The following TEAD4 variants were observed in gnomAD, a reference collection of about 807,000 sequenced individuals.
TEAD4 encodes the protein transcriptional enhancer factor TEF-3.
TEAD4 carries 36 observed loss-of-function variants against 52.4 expected under a neutral mutation model. The observed-to-expected ratio is 0.69, with a 90% CI of 0.53 to 0.91. The LOEUF is 0.91. Ranked by LOEUF, TEAD4 falls within the 40% of genes least tolerant of loss-of-function variation. The probability of loss-of-function intolerance (pLI) is 0.00; values close to 1 mark genes in which losing one functional copy is unlikely to be tolerated. For missense variants in TEAD4, 508 were observed against 583.9 expected, an observed-to-expected ratio of 0.87 and a Z score of 1.34; for synonymous variants, 220 against 231.0, an observed-to-expected ratio of 0.95 and a Z score of 0.43.
At chr12:3,010,621 G>A (rs1214423747) in intron 3 of TEAD4, among the ~76,000 whole-genome samples, 1 of 152,238 alleles carries the variant, frequency 6.6e-6, no homozygotes, top group Non-Finnish European at 1.5e-5. Flanking sequence ...GGGCCGGGCA[G>A]CTCCCTGGAG....
At chr12:3,010,945 C>T in intron 3 of TEAD4, 59 bp from the exon 4 acceptor site, 1 of 1,602,860 alleles carries the variant, frequency 6.2e-7, no homozygotes, top group Non-Finnish European at 8.5e-7. Flanking sequence ...CCCGCACCCC[C>T]TCACTGCTTC....
At chr12:2,996,434 G>A (rs1302649589) in intron 3 of TEAD4, among the ~76,000 whole-genome samples, 1 of 147,948 alleles carries the variant, frequency 6.8e-6, no homozygotes, top group African/African-American at 2.5e-5. Flanking sequence ...TTGAGATGGA[G>A]TTTCACTCTT....
chr12:2,986,246 A>T (rs549360704), intron 2 of TEAD4, among the ~76,000 whole-genome samples: 1 of 152,274 alleles, frequency 6.6e-6, no homozygotes, highest in African/African-American at 2.4e-5. Flanking sequence ...ATCATCTCCC[A>T]GGGTAACAGT....
intron 2 of TEAD4, among the ~76,000 whole-genome samples, chr12:2,990,756 TCGCCTGGCCCAGAGAA>T (rs979796367): frequency 1.4e-4 from 21 of 152,256 alleles, no homozygotes; most frequent in Middle Eastern, 3.4e-3. Flanking sequence ...ATGAGCCACT[TCGCCTGGCCCAGAGAA>T]CGCCTGGCCC....
At chr12:3,028,005 C>G (rs142804919) in intron 10 of TEAD4, among the ~76,000 whole-genome samples, 118 of 152,334 alleles carry the variant, frequency 7.7e-4, no homozygotes, top group African/African-American at 2.8e-3. Context: ...CACTCCTACC[C>G]CCCAGCCCTG....
chr12:2,996,009 A>C (rs1346554002), intron 3 of TEAD4, among the ~76,000 whole-genome samples: 1 of 146,614 alleles, frequency 6.8e-6, no homozygotes, highest in African/African-American at 2.5e-5. Context: ...CCCTGTTTCA[A>C]AAAAAAAAAA....
At position 3,038,098 on chromosome 12, in the gene TEAD4, A is replaced by G; in HGVS notation, c.1028A>G (p.Glu343Gly). The change falls in exon 11 of 13, where the codon GAG becomes GGG. Residue 343 changes from glutamate (E) to glycine (G), a missense_variant. Glu to Gly is a moderately conservative substitution (Grantham distance 98). Transcript: ENST00000359864. ...TGCTCTTTCGGCAAGCAGGTGGTGG[A>G]GAAAGTTGAGGTAGGAGGCCACCCT... The G allele has an allele frequency of 1.2e-6, 2 of 1,612,302 alleles. No homozygotes were observed. Among genetic ancestry groups the G allele is most frequent in the Non-Finnish European group, 1.7e-6 (2 of 1,178,768 alleles).
chr12:3,018,559 T>C lies in TEAD4; in HGVS notation c.498T>C (p.Ala166=). 1 of 1,614,064 alleles carries C rather than the reference T, an allele frequency of 6.2e-7. No individual in the cohort carries two copies. Among genetic ancestry groups the C allele is most frequent in the Non-Finnish European group, 8.5e-7 (1 of 1,179,964 alleles). Residue 166 remains alanine, a synonymous_variant, in exon 7 of 13, where the codon GCT becomes GCC. Transcript: ENST00000359864. ...TGCCTCCTCAGTTTTGGCAAGGAGC[T>C]TTGCCAGGCCAAGCCGGAACGTCCC...
chr12:3,029,482 C>T (rs2098274154), intron 10 of TEAD4, among the ~76,000 whole-genome samples: 1 of 152,128 alleles, frequency 6.6e-6, no homozygotes, highest in Non-Finnish European at 1.5e-5. Context: ...TCGTGATCCA[C>T]CAGCCTCGGC....
intron 2 of TEAD4, among the ~76,000 whole-genome samples, chr12:2,968,117 G>A (rs922015950): frequency 1.3e-4 from 14 of 103,890 alleles, no homozygotes; most frequent in Admixed American, 4.2e-4. Context: ...ACGGAGTTTC[G>A]CTCTTGTTGC....
At chr12:3,027,099 C>G (rs1388447834) in intron 10 of TEAD4, among the ~76,000 whole-genome samples, 4 of 152,186 alleles carry the variant, frequency 2.6e-5, no homozygotes, top group African/African-American at 7.2e-5. Flanking sequence ...TCAAGCAATT[C>G]TCCTGCCTCA....
chr12:3,033,989 C>T (rs1226219851), intron 10 of TEAD4, among the ~76,000 whole-genome samples: 7 of 151,516 alleles, frequency 4.6e-5, no homozygotes, highest in East Asian at 1.9e-4. Context: ...TGGTGTGTTC[C>T]GGGTTTATGC....
At chr12:2,961,497 G>C (rs768333126) in intron 2 of TEAD4, among the ~76,000 whole-genome samples, 21 of 152,088 alleles carry the variant, frequency 1.4e-4, no homozygotes, top group African/African-American at 2.7e-4. Flanking sequence ...TCTTCGGCCT[G>C]GTGTGCGACT....
At chr12:3,032,844 C>T (rs894728795) in intron 10 of TEAD4, among the ~76,000 whole-genome samples, 11 of 152,156 alleles carry the variant, frequency 7.2e-5, no homozygotes, top group African/African-American at 2.4e-4. Context: ...ACATATGTGA[C>T]GGGGAAAGGT....
chr12:2,994,732 C>T lies in TEAD4; in HGVS notation c.-29-6C>T, dbSNP rs754074846. 2 of 1,567,666 alleles carry T rather than the reference C, an allele frequency of 1.3e-6. No homozygotes were observed. Among genetic ancestry groups the T allele is most frequent in the South Asian group, 2.4e-5 (2 of 83,526 alleles). On this transcript the variant is annotated splice_region_variant and splice_polypyrimidine_tract_variant and intron_variant, in intron 2 of 12. Coordinates refer to ENST00000359864, the MANE Select transcript of TEAD4 (RefSeq NM_003213.4). This position sits in a 1 kb window ranked among gnomAD's most constrained non-coding sequence, Gnocchi z 4.7. ...CTCACCGGGGCTGTGGTTCCTGTCC[C>T]CACAGGTCCAACGAGCGCTCCTCCA... is the stretch of plus-strand genomic sequence containing the variant.
intron 10 of TEAD4, among the ~76,000 whole-genome samples, chr12:3,033,134 CAG>C (rs2098276825): frequency 6.6e-6 from 1 of 152,212 alleles, no homozygotes; most frequent in Non-Finnish European, 1.5e-5. Context: ...GAGAGGCAAT[CAG>C]AACCCCCTTG....
chr12:3,040,262 G>C lies in TEAD4; in HGVS notation c.1191+3G>C. ...TGGAGAACTTCACCATCCTGCAGGT[G>C]TGCGGCGGGTGCTGCGGGTGTGGCT... On this transcript the variant is annotated splice_donor_region_variant and intron_variant, in intron 12 of 12. Coordinates refer to ENST00000359864, the MANE Select transcript of TEAD4 (RefSeq NM_003213.4). 6.2e-7 allele frequency: 1 copy of C among 1,614,194 alleles called. No homozygotes were observed. Among genetic ancestry groups the C allele is most frequent in the East Asian group, 2.2e-5 (1 of 44,882 alleles).
intron 7 of TEAD4, 89 bp downstream of exon 7, chr12:3,018,677 G>A: frequency 2.0e-6 from 3 of 1,536,726 alleles, no homozygotes; most frequent in African/African-American, 1.4e-5. Context: ...GGGCCCCAGG[G>A]TGTGCTGGGG....
At chr12:2,993,816 C>T (rs1185085253) in intron 2 of TEAD4, among the ~76,000 whole-genome samples, 1 of 152,136 alleles carries the variant, frequency 6.6e-6, no homozygotes, top group Non-Finnish European at 1.5e-5. Context: ...CGGAATCATG[C>T]AGTGTTTGGG....
Sources: gnomAD v4.1 joint callset for allele counts (sites outside exome capture counted in the v4.1 genomes callset) on GRCh38, gnomAD v4.1.1 for gene constraint, Gnocchi (gnomAD v3.1) non-coding constraint, MANE v1.5 for transcripts, NCBI Gene and HGNC (gene_info 2026-07-23, HGNC 2026-07-21) for gene names.